AP1S3: variants seen among roughly 807,000 people sequenced by gnomAD.
The protein encoded by AP1S3 is AP-1 complex subunit sigma-3.
In AP1S3, 10 loss-of-function variants were observed where a neutral mutation model predicts 20.9. That is an observed-to-expected ratio of 0.48 (90% CI 0.29 to 0.81). The LOEUF (loss-of-function observed/expected upper bound fraction) is 0.81, where lower values mean the gene tolerates loss of function less well. Among genes scored for constraint, AP1S3 ranks in the 30% least tolerant of loss-of-function variants. The pLI is 0.08. For synonymous variants in AP1S3, 41 were observed against 61.5 expected (o/e 0.67, Z 1.56); for missense variants, 154 against 183.8 (o/e 0.84, Z 0.94).
At chr2:223,832,421 CAAGTCTCACTGGTGTTTTTG>C (rs1692293367) in intron 1 of AP1S3, among the ~76,000 whole-genome samples, 1 of 152,036 alleles carries the variant, frequency 6.6e-6, no homozygotes, top group African/African-American at 2.4e-5. Context: ...GGAGTAAATA[CAAGTCTCACTGGTGTTTTTG>C]GGAGACCTGT....
At chr2:223,767,830 A>G (rs567489507) in intron 3 of AP1S3, among the ~76,000 whole-genome samples, 1 of 152,232 alleles carries the variant, frequency 6.6e-6, no homozygotes, top group African/African-American at 2.4e-5. Context: ...AGTTCAACCA[A>G]CATACTTCCC....
At chr2:223,767,440 C>T (rs1690511440) in intron 3 of AP1S3, among the ~76,000 whole-genome samples, 1 of 152,040 alleles carries the variant, frequency 6.6e-6, no homozygotes, top group African/African-American at 2.4e-5. Context: ...GTGCCTAGCA[C>T]ATATCAGTCA....
At chr2:223,827,793 C>T (rs928581471) in intron 1 of AP1S3, among the ~76,000 whole-genome samples, 1 of 150,044 alleles carries the variant, frequency 6.7e-6, no homozygotes, top group Non-Finnish European at 1.5e-5. Flanking sequence ...CCTGGCTAGG[C>T]TGGGCACTGT....
At chr2:223,777,623 A>G in intron 2 of AP1S3, 68 bp downstream of exon 2, 1 of 1,413,960 alleles carries the variant, frequency 7.1e-7, no homozygotes, top group Non-Finnish European at 9.6e-7. Flanking sequence ...ATAGCAATCT[A>G]AAATGTTCAG....
At chr2:223,806,939 T>A (rs1691596713) in intron 1 of AP1S3, among the ~76,000 whole-genome samples, 1 of 152,216 alleles carries the variant, frequency 6.6e-6, no homozygotes, top group African/African-American at 2.4e-5. Flanking sequence ...ATTACTGTCA[T>A]AATTTTTTAA....
chr2:223,795,256 T>TA (rs1257739996), intron 1 of AP1S3, among the ~76,000 whole-genome samples: 1 of 151,620 alleles, frequency 6.6e-6, no homozygotes. Flanking sequence ...TCTCAAAAAT[T>TA]AAAAAAAAAT....
At chr2:223,814,930 T>C (rs10200716) in intron 1 of AP1S3, among the ~76,000 whole-genome samples, 53,603 of 151,900 alleles carry the variant, frequency 0.35, 9,864 homozygotes, top group Middle Eastern at 0.43. Flanking sequence ...GTACACACTA[T>C]CACTCCGGGC....
At chr2:223,836,776 G>A (rs911333386) in intron 1 of AP1S3, among the ~76,000 whole-genome samples, 4 of 152,084 alleles carry the variant, frequency 2.6e-5, no homozygotes, top group Non-Finnish European at 5.9e-5. Flanking sequence ...TTGCTAAAAC[G>A]TCCCCGAGGT....
intron 1 of AP1S3, among the ~76,000 whole-genome samples, chr2:223,806,331 T>C (rs1691580590): frequency 6.9e-6 from 1 of 143,906 alleles, no homozygotes; most frequent in South Asian, 2.2e-4. Flanking sequence ...TCACCCAGGC[T>C]GGAGTGCAGT....
intron 1 of AP1S3, among the ~76,000 whole-genome samples, chr2:223,809,502 G>A (rs536462621): frequency 1.8e-4 from 27 of 151,824 alleles, no homozygotes; most frequent in African/African-American, 6.3e-4. Context: ...AAAGTTAGCC[G>A]GGCATGGTGG....
At position 223,758,511 on chromosome 2, in the gene AP1S3, C is replaced by CA; in HGVS notation, c.*203dup. 1 of 1,286,758 alleles carries CA rather than the reference C, an allele frequency of 7.8e-7. No homozygotes were observed. The highest frequency in any genetic ancestry group is 2.9e-5 in the South Asian group (1 of 35,066). The allele number at this position is 1,286,758 out of a possible 1,614,324, so 79.7% of individuals were successfully genotyped here. ...AGCTACAAGTACCTATACAGTATAA[C>CA]ACAGACACATAATTTTTTTTAATAA... On this transcript the variant is annotated 3_prime_UTR_variant, in exon 5 of 5. Coordinates refer to ENST00000396654, the MANE Select transcript of AP1S3 (RefSeq NM_001039569.2).
intron 1 of AP1S3, among the ~76,000 whole-genome samples, chr2:223,827,611 C>T (rs2106131413): frequency 6.6e-6 from 1 of 151,950 alleles, no homozygotes; most frequent in South Asian, 2.1e-4. Context: ...GTCTCGAACT[C>T]CTGATCTCAA....
At chr2:223,805,200 G>C (rs1303813866) in intron 1 of AP1S3, among the ~76,000 whole-genome samples, 7 of 152,136 alleles carry the variant, frequency 4.6e-5, no homozygotes, top group Non-Finnish European at 1.0e-4. Flanking sequence ...GCACTTTGAG[G>C]GGCTGAAGTG....
At chr2:223,797,065 A>T (rs1024460316) in intron 1 of AP1S3, among the ~76,000 whole-genome samples, 3 of 152,162 alleles carry the variant, frequency 2.0e-5, no homozygotes, top group African/African-American at 7.2e-5. Context: ...TTACTCCTCT[A>T]AGGTGAATCA....
rs190086778 is a variant in AP1S3, at chr2:223,763,969, G to A, written c.429+1244C>T. On this transcript the variant is annotated intron_variant, in intron 4 of 4. Transcript: ENST00000396654. Reference sequence around the variant, plus strand: ...TGGAGTCTCGCTCTGTCACCCAGGTGGTGCTGTGGTGCTATCTCAGCTCAC... The same window carrying A: ...TGGAGTCTCGCTCTGTCACCCAGGTAGTGCTGTGGTGCTATCTCAGCTCAC... 3.5e-3 allele frequency among the ~76,000 whole-genome samples: 534 copies of A among 152,268 alleles called. 2 individuals carry two copies. Among genetic ancestry groups the A allele is most frequent in the Non-Finnish European group, 4.5e-3 (303 of 68,024 alleles).
intron 4 of AP1S3, among the ~76,000 whole-genome samples, chr2:223,759,477 TATAC>T: frequency 6.6e-6 from 1 of 152,332 alleles, no homozygotes. Flanking sequence ...GCATCTTTAT[TATAC>T]ATATTGTCAA....
At position 223,832,135 on chromosome 2, in the gene AP1S3, CTGTGTG is replaced by C. The variant is rs774812162; in HGVS notation, c.3+5307_3+5312del. Among the ~76,000 whole-genome samples, 428 of 70,772 alleles carry C rather than the reference CTGTGTG, an allele frequency of 6.0e-3. 13 individuals are homozygous for C. The highest frequency in any genetic ancestry group is 0.029 in the Middle Eastern group (4 of 136). 46.4% of individuals were successfully genotyped at this position (70,772 alleles called of 152,430 possible). A position where few individuals can be genotyped will look rare whatever the true frequency, so the allele number is the denominator to read the frequency against. On this transcript the variant is annotated intron_variant, in intron 1 of 4. Coordinates refer to ENST00000396654, the MANE Select transcript of AP1S3 (RefSeq NM_001039569.2). ...GGGGATTATTAAAGGAGTTTTCTCTCTGTGTGTGTGTGTGTGTGTGTGTGTGTGTGT... is the reference window on the plus strand; with the variant it reads ...GGGGATTATTAAAGGAGTTTTCTCTCTGTGTGTGTGTGTGTGTGTGTGTGT...
intron 1 of AP1S3, among the ~76,000 whole-genome samples, chr2:223,820,221 G>C (rs1691954829): frequency 6.6e-6 from 1 of 152,078 alleles, no homozygotes. Flanking sequence ...TAAGATAAAG[G>C]TCTTTTTCCC....
At chr2:223,773,245 A>G in intron 3 of AP1S3, 5 of 1,277,412 alleles carry the variant, frequency 3.9e-6, no homozygotes, top group Non-Finnish European at 4.1e-6. Context: ...TTAATCTAGG[A>G]AAATACAACA....
Sources: gnomAD v4.1 joint callset for allele counts (sites outside exome capture counted in the v4.1 genomes callset) on GRCh38, gnomAD v4.1.1 for gene constraint, MANE v1.5 for transcripts, NCBI Gene and HGNC (gene_info 2026-07-23, HGNC 2026-07-21) for gene names.